DDX27: variants seen among roughly 807,000 people sequenced by gnomAD.
The protein encoded by DDX27 is probable ATP-dependent RNA helicase DDX27.
A neutral mutation model predicts 99.3 loss-of-function variants in DDX27; 42 were observed. The observed-to-expected ratio is 0.42, with a 90% CI of 0.33 to 0.55. DDX27 has a LOEUF of 0.55. Ranked by LOEUF, DDX27 falls within the 20% of genes least tolerant of loss-of-function variation. DDX27 has a pLI of 0.07. For synonymous variants in DDX27, 329 were observed against 353.8 expected (o/e 0.93, Z 0.79); for missense variants, 798 against 976.8 (o/e 0.82, Z 2.44).
intron 16 of DDX27, 44 bp from the exon 17 acceptor site, chr20:49,241,849 A>C: frequency 6.3e-7 from 1 of 1,596,284 alleles, no homozygotes; most frequent in South Asian, 1.1e-5. Flanking sequence ...GCTTAAAAAA[A>C]GATAAAATCA....
At position 49,243,863 on chromosome 20, in the gene DDX27, G is replaced by A; in HGVS notation, c.*29G>A. On this transcript the variant is annotated 3_prime_UTR_variant, in exon 21 of 21. Coordinates refer to ENST00000618172, the MANE Select transcript of DDX27 (RefSeq NM_017895.8). ...TCGTGGCCTGAAGAAATTCATGGGGGCAGCCCTTAAATCCCTTCCCTGTGG... is the reference window on the plus strand; with the variant it reads ...TCGTGGCCTGAAGAAATTCATGGGGACAGCCCTTAAATCCCTTCCCTGTGG... 1 of 1,613,882 alleles carries A rather than the reference G, an allele frequency of 6.2e-7. No homozygotes were observed. The highest frequency in any genetic ancestry group is 1.1e-5 in the South Asian group (1 of 91,056).
intron 12 of DDX27, 190 bp downstream of exon 12, chr20:49,235,278 G>A: frequency 5.5e-6 from 3 of 548,356 alleles, no homozygotes; most frequent in Non-Finnish European, 8.8e-6. Flanking sequence ...TAACTTCATA[G>A]TCAGAGATGA....
chr20:49,231,795 G>A (rs554879565), intron 9 of DDX27, among the ~76,000 whole-genome samples: 13 of 152,222 alleles, frequency 8.5e-5, no homozygotes, highest in African/African-American at 2.4e-4. Context: ...GCCCAGCAGC[G>A]CTGTCCCCAT....
chr20:49,238,672 T>C, intron 14 of DDX27: 1 of 410,094 alleles, frequency 2.4e-6, no homozygotes, highest in Non-Finnish European at 4.4e-6. Flanking sequence ...TTCACAGCAT[T>C]GGCCAAGCTG....
At chr20:49,222,594 C>T (rs1324866004) in intron 2 of DDX27, among the ~76,000 whole-genome samples, 2 of 151,190 alleles carry the variant, frequency 1.3e-5, no homozygotes, top group African/African-American at 2.4e-5. Context: ...GGCTCACTGC[C>T]ACCTCCGCCT....
At position 49,235,067 on chromosome 20, in the gene DDX27, C is replaced by T. The variant is rs757726208; in HGVS notation, c.1406C>T (p.Thr469Met). Reference sequence around the variant, plus strand: ...GAGCTCCATGGCAACTTGTCACAGACGCAGCGGCTGGAGGCCCTCCGGTAA... The same window carrying T: ...GAGCTCCATGGCAACTTGTCACAGATGCAGCGGCTGGAGGCCCTCCGGTAA... ...VGELHGNLSQTQRLEALRRFK... is the reference protein window; with the variant it reads ...VGELHGNLSQMQRLEALRRFK... Residue 469 changes from threonine to methionine, a missense_variant, in exon 12 of 21, where the codon ACG becomes ATG. Around this residue, in one of 2 missense-constraint regions of DDX27, gnomAD observed 553 missense variants for 727.9 expected, o/e 0.76. Coordinates refer to ENST00000618172, the MANE Select transcript of DDX27 (RefSeq NM_017895.8). 1.4e-5 allele frequency: 22 copies of T among 1,609,372 alleles called. No individual in the cohort carries two copies. The highest frequency in any genetic ancestry group is 4.4e-5 in the South Asian group (4 of 90,482).
rs45527432 is a variant in DDX27 at position 49,236,292 on chromosome 20, C to A, written c.1510-41C>A. ...AAGTCTTTTTGCCTCTTCGCACCCC[C>A]CTTCCCTTGCCAGGCCTGACGTTCA... is the stretch of plus-strand genomic sequence containing the variant. On this transcript the variant is annotated intron_variant, in intron 13 of 20. Transcript: ENST00000618172. This position sits in a 1 kb window ranked among gnomAD's most constrained non-coding sequence, Gnocchi z 4.1. 1.3e-6 allele frequency: 2 copies of A among 1,569,796 alleles called. No individual in the cohort carries two copies. The highest frequency in any genetic ancestry group is 8.7e-7 in the Non-Finnish European group (1 of 1,154,510).
chr20:49,228,636 T>G, intron 7 of DDX27, 79 bp from the exon 8 acceptor site: 1 of 1,342,276 alleles, frequency 7.5e-7, no homozygotes, highest in Non-Finnish European at 1.0e-6. Context: ...AGACGTAGTT[T>G]TTCTGTGCTC....
chr20:49,240,132 A>G (rs888055671), intron 16 of DDX27, among the ~76,000 whole-genome samples: 1 of 152,174 alleles, frequency 6.6e-6, no homozygotes, highest in Non-Finnish European at 1.5e-5. Flanking sequence ...TAGCCTCCTG[A>G]TAGGAGTTTT....
intron 7 of DDX27, among the ~76,000 whole-genome samples, chr20:49,228,218 C>T (rs1299610585): frequency 6.6e-6 from 1 of 151,924 alleles, no homozygotes; most frequent in Non-Finnish European, 1.5e-5. Flanking sequence ...TCTCAGCTCA[C>T]TGCAACCTCT....
At chr20:49,240,082 T>C (rs1980429176) in intron 16 of DDX27, among the ~76,000 whole-genome samples, 1 of 152,148 alleles carries the variant, frequency 6.6e-6, no homozygotes, top group Non-Finnish European at 1.5e-5. Context: ...AGGAAATTAT[T>C]AGTGGTTGCA....
Position 49,223,355 on chromosome 20 carries a change from A to G in DDX27, c.388A>G (p.Asn130Asp). 1.9e-6 allele frequency: 3 copies of G among 1,614,092 alleles called. No homozygotes were observed. Among genetic ancestry groups the G allele is most frequent in the Non-Finnish European group, 2.5e-6 (3 of 1,179,984 alleles). ...EPKEQEDLQE[N>D]DEEGSEDEAS... ...AAAGGAGCAGGAAGACCTTCAAGAG[A>G]ATGATGAGGAAGGCTCAGAAGATGA... Residue 130 changes from asparagine to aspartate, a missense_variant, in exon 4 of 21, where the codon AAT (asparagine) becomes GAT (aspartate). Around this residue, in one of 2 missense-constraint regions of DDX27, gnomAD observed 245 missense variants for 248.8 expected, o/e 0.98. Transcript: ENST00000618172.
Position 49,242,182 on chromosome 20 carries a change from G to C in DDX27, c.2092G>C (p.Glu698Gln). The C allele has an allele frequency of 6.2e-7, 1 of 1,614,164 alleles. No individual in the cohort carries two copies. Among genetic ancestry groups the C allele is most frequent in the Non-Finnish European group, 8.5e-7 (1 of 1,179,994 alleles). Residue 698 changes from glutamate (E) to glutamine (Q), a missense_variant, in exon 18 of 21, where the codon GAG (glutamate) becomes CAG (glutamine). This residue lies in a region of DDX27 where 553 missense variants were observed against 727.9 expected (regional missense o/e 0.76). Coordinates refer to ENST00000618172, the MANE Select transcript of DDX27 (RefSeq NM_017895.8). ...RRAKRARAMP[E>Q]EEPVRGPAKK... ...AGCCAAGCGGGCCCGAGCAATGCCCGAGGAGGAGCCAGTGAGAGGTCCTGG... is the reference window on the plus strand; with the variant it reads ...AGCCAAGCGGGCCCGAGCAATGCCCCAGGAGGAGCCAGTGAGAGGTCCTGG...
At chr20:49,243,251 A>G (rs1980540104) in intron 19 of DDX27, among the ~76,000 whole-genome samples, 1 of 152,076 alleles carries the variant, frequency 6.6e-6, no homozygotes, top group Admixed American at 6.6e-5. Context: ...TCAGAAATGG[A>G]GCTTTCCTTC....
At position 49,243,967 on chromosome 20, in the gene DDX27, T is replaced by C. The variant is rs766421914; in HGVS notation, c.*133T>C. The stretch of plus-strand genomic sequence containing the variant: ...AACAAAAAACAACACTTTGGTGTGG[T>C]GGTATGGTACGTAGCTATTTTCCTA... On this transcript the variant is annotated 3_prime_UTR_variant, in exon 21 of 21. Transcript: ENST00000618172. The C allele has an allele frequency of 5.6e-6, 6 of 1,063,806 alleles. No individual in the cohort carries two copies. The highest frequency in any genetic ancestry group is 8.2e-6 in the Non-Finnish European group (6 of 728,860). The allele number at this position is 1,063,806 out of a possible 1,614,324, so 65.9% of individuals were successfully genotyped here. A position where few individuals can be genotyped will look rare whatever the true frequency, so the allele number is the denominator to read the frequency against.
In DDX27 at chr20:49,228,774, G is replaced by A. The variant is rs144748855; in HGVS notation, c.766G>A (p.Ala256Thr). 3.6e-4 allele frequency: 587 copies of A among 1,613,034 alleles called. No individual in the cohort carries two copies. Among genetic ancestry groups the A allele is most frequent in the Non-Finnish European group, 4.4e-4 (516 of 1,179,498 alleles). Residue 256 changes from alanine (A) to threonine (T), a missense_variant, in exon 8 of 21, where the codon GCT (alanine) becomes ACT (threonine). This residue lies in a region of DDX27 where 553 missense variants were observed against 727.9 expected (regional missense o/e 0.76). Transcript: ENST00000618172. ...LERLIYKPRQ[A>T]PVTRVLVLVP... ...GCGTCTGATTTATAAACCCCGCCAG[G>A]CTCCAGTCACCCGCGTGCTGGTGCT...
In DDX27 at chr20:49,236,681, C is replaced by T. The variant is rs1311657532; in HGVS notation, c.1687+171C>T. Among the ~76,000 whole-genome samples, 1 of 152,140 alleles carries T rather than the reference C, an allele frequency of 6.6e-6. No homozygotes were observed. Among genetic ancestry groups the T allele is most frequent in the African/African-American group, 2.4e-5 (1 of 41,436 alleles). On this transcript the variant is annotated intron_variant, in intron 14 of 20. Coordinates refer to ENST00000618172, the MANE Select transcript of DDX27 (RefSeq NM_017895.8). This position sits in a 1 kb window ranked among gnomAD's most constrained non-coding sequence, Gnocchi z 4.1. ...GTTTCACCTCACCTCTCTGAGCTTG[C>T]CTCCTGTGTGTAGAAGGGAATTATG...
intron 14 of DDX27, among the ~76,000 whole-genome samples, chr20:49,237,775 G>C (rs1980352590): frequency 6.6e-6 from 1 of 152,200 alleles, no homozygotes; most frequent in African/African-American, 2.4e-5. Flanking sequence ...TGAGCTGAGA[G>C]AACAAGGGTG....
chr20:49,236,197 C>T lies in DDX27; in HGVS notation c.1475C>T (p.Ala492Val), dbSNP rs1032633297. ...QIDILVATDVAARGLDIEGVK... is the reference protein window; with the variant it reads ...QIDILVATDVVARGLDIEGVK... ...GACATCCTCGTGGCCACTGATGTGG[C>T]AGCCCGTGGACTTGACATTGAGGGG... Residue 492 changes from alanine (A) to valine (V), a missense_variant, in exon 13 of 21, where the codon GCA becomes GTA. Physicochemically the swap from Ala to Val is moderately conservative, Grantham distance 64. This residue lies in a region of DDX27 where 553 missense variants were observed against 727.9 expected (regional missense o/e 0.76). Transcript: ENST00000618172. This position sits in a 1 kb window ranked among gnomAD's most constrained non-coding sequence, Gnocchi z 4.1. 6.2e-7 allele frequency: 1 copy of T among 1,612,346 alleles called. No individual in the cohort carries two copies. Among genetic ancestry groups the T allele is most frequent in the Non-Finnish European group, 8.5e-7 (1 of 1,179,176 alleles).
Sources: allele counts gnomAD v4.1 joint callset (sites outside exome capture counted in the v4.1 genomes callset), GRCh38; gene constraint gnomAD v4.1.1; regional missense constraint gnomAD v4.1.1; non-coding constraint Gnocchi (gnomAD v3.1); transcripts MANE v1.5; gene names NCBI Gene and HGNC (gene_info 2026-07-23, HGNC 2026-07-21).